Variants in ARID4B observed in about 807,000 individuals in gnomAD.
ARID4B encodes AT-rich interaction domain 4B.
Under a neutral mutation model 147.5 loss-of-function variants are expected in ARID4B, and 26 were observed. That is an observed-to-expected ratio of 0.18 (90% confidence interval 0.13 to 0.24). The LOEUF (loss-of-function observed/expected upper bound fraction) is 0.24, where lower values mean the gene tolerates loss of function less well. Ranked by LOEUF, ARID4B falls within the 10% of genes least tolerant of loss-of-function variation. The pLI, the probability that ARID4B is intolerant of heterozygous loss-of-function variation, is 1.00. For synonymous variants in ARID4B, 512 were observed against 507.9 expected, an observed-to-expected ratio of 1.01 and a Z score of -0.11; for missense variants, 1,179 against 1,511.5, an observed-to-expected ratio of 0.78 and a Z score of 3.65.
rs189365605 is a variant in ARID4B, at chr1:235,305,638, G to A, written c.6+21276C>T. ...ATCTGTAAAATAAGAATATATCTAT[G>A]TACCTCTCAGGGTATTTTGAGAATT... On this transcript the variant is annotated intron_variant, in intron 2 of 23. Transcript: ENST00000264183. 1.1e-3 allele frequency among the ~76,000 whole-genome samples: 170 copies of A among 152,154 alleles called. 1 individual carries two copies. Among genetic ancestry groups the A allele is most frequent in the African/African-American group, 4.0e-3 (167 of 41,524 alleles).
chr1:235,173,330 T>G (rs1285717815), intron 22 of ARID4B, among the ~76,000 whole-genome samples: 2 of 151,910 alleles, frequency 1.3e-5, no homozygotes, highest in Non-Finnish European at 2.9e-5. Context: ...GGCAACAGAG[T>G]GAGACTCTGT....
intron 22 of ARID4B, among the ~76,000 whole-genome samples, chr1:235,174,612 C>T (rs1663716788): frequency 6.6e-6 from 1 of 151,508 alleles, no homozygotes; most frequent in Non-Finnish European, 1.5e-5. Flanking sequence ...GCCAGCCTGG[C>T]CAACATGGTG....
intron 2 of ARID4B, among the ~76,000 whole-genome samples, chr1:235,305,263 C>T (rs573208184): frequency 6.6e-6 from 1 of 152,156 alleles, no homozygotes; most frequent in Non-Finnish European, 1.5e-5. Context: ...GGAAAAGAGG[C>T]AAGGAAACCA....
At chr1:235,272,346 T>C (rs1413004215) in intron 2 of ARID4B, among the ~76,000 whole-genome samples, 1 of 152,202 alleles carries the variant, frequency 6.6e-6, no homozygotes, top group African/African-American at 2.4e-5. Context: ...AGAAATAGTG[T>C]CTTATTCACC....
intron 23 of ARID4B, among the ~76,000 whole-genome samples, chr1:235,171,774 G>A (rs551072599): frequency 6.6e-6 from 1 of 152,062 alleles, no homozygotes; most frequent in East Asian, 1.9e-4. Flanking sequence ...CAAGTAGCTG[G>A]GATTACAGGC....
At chr1:235,181,372 G>T in intron 20 of ARID4B, 1 of 724,576 alleles carries the variant, frequency 1.4e-6, no homozygotes. Flanking sequence ...AAATGCCATG[G>T]ATGGCTCAAG....
At chr1:235,313,208 T>C (rs1025162216) in intron 2 of ARID4B, among the ~76,000 whole-genome samples, 13 of 152,102 alleles carry the variant, frequency 8.5e-5, no homozygotes, top group Non-Finnish European at 1.8e-4. Flanking sequence ...TTTTATATTT[T>C]CAGTAGAGAC....
intron 2 of ARID4B, among the ~76,000 whole-genome samples, chr1:235,265,239 G>A (rs1056223928): frequency 1.3e-5 from 2 of 151,558 alleles, no homozygotes; most frequent in African/African-American, 2.4e-5. Context: ...GGTGGCGGGC[G>A]CCTGTAATCC....
intron 10 of ARID4B, among the ~76,000 whole-genome samples, chr1:235,229,887 T>C (rs1208614830): frequency 6.6e-6 from 1 of 152,206 alleles, no homozygotes; most frequent in Non-Finnish European, 1.5e-5. Context: ...CTAGACACAA[T>C]TATTCTCATT....
At chr1:235,296,861 G>C (rs1457796844) in intron 2 of ARID4B, among the ~76,000 whole-genome samples, 2 of 111,358 alleles carry the variant, frequency 1.8e-5, no homozygotes, top group Non-Finnish European at 3.8e-5. Context: ...AGGGAAGGAA[G>C]GGAGAGAGTA....
At chr1:235,326,585 G>T (rs939303039) in intron 2 of ARID4B, among the ~76,000 whole-genome samples, 4 of 152,114 alleles carry the variant, frequency 2.6e-5, no homozygotes. Context: ...CCACAATACA[G>T]TTCAGTTTCT....
At chr1:235,196,644 G>C (rs1665509528) in intron 17 of ARID4B, among the ~76,000 whole-genome samples, 1 of 151,968 alleles carries the variant, frequency 6.6e-6, no homozygotes, top group African/African-American at 2.4e-5. Context: ...ACGAAGTCAG[G>C]AGATCAAGAC....
rs147463120 is a variant in ARID4B, at chr1:235,298,139, T to C, written c.6+28775A>G. On this transcript the variant is annotated intron_variant, in intron 2 of 23. Transcript: ENST00000264183. ...ATGATATCTGGAATTTGCTTTAAAA[T>C]GCTACATGGTGAGGGAGAAAGGAGA... 7.2e-5 allele frequency among the ~76,000 whole-genome samples: 11 copies of C among 152,242 alleles called. No individual in the cohort carries two copies. The East Asian group carries it at 1.9e-3, about 27-fold the overall frequency.
chr1:235,269,783 ATTAC>A (rs1016178708), intron 2 of ARID4B, among the ~76,000 whole-genome samples: 10 of 152,148 alleles, frequency 6.6e-5, no homozygotes, highest in African/African-American at 2.4e-4. Context: ...GGTGAAGGAG[ATTAC>A]ATGAACTATT....
At chr1:235,299,299 C>T (rs1189724929) in intron 2 of ARID4B, among the ~76,000 whole-genome samples, 2 of 152,134 alleles carry the variant, frequency 1.3e-5, no homozygotes, top group Non-Finnish European at 2.9e-5. Context: ...CTGCAACCTC[C>T]GCCTCCAGGG....
chr1:235,230,608 A>AC (rs1553298129), intron 10 of ARID4B, among the ~76,000 whole-genome samples: 2 of 131,884 alleles, frequency 1.5e-5, no homozygotes, highest in African/African-American at 5.7e-5. Context: ...AAAAAAAAAA[A>AC]AAAAAAAACC....
chr1:235,310,643 T>C (rs924631037), intron 2 of ARID4B, among the ~76,000 whole-genome samples: 5 of 152,048 alleles, frequency 3.3e-5, no homozygotes, highest in African/African-American at 9.7e-5. Context: ...ACACTTCCTA[T>C]AGAGATCCAT....
chr1:235,325,044 T>G (rs1675122883), intron 2 of ARID4B, among the ~76,000 whole-genome samples: 1 of 152,230 alleles, frequency 6.6e-6, no homozygotes, highest in Non-Finnish European at 1.5e-5. Flanking sequence ...TACAAGAAGC[T>G]TCTCATCTTT....
chr1:235,242,339 C>T (rs12035746), intron 7 of ARID4B, among the ~76,000 whole-genome samples: 70,735 of 151,922 alleles, frequency 0.47, 16,789 homozygotes, highest in South Asian at 0.6. Flanking sequence ...AAAACTCAAC[C>T]ACCTTTACAT....
Sources: allele counts gnomAD v4.1 joint callset (sites outside exome capture counted in the v4.1 genomes callset), GRCh38; gene constraint gnomAD v4.1.1; transcripts MANE v1.5; gene names NCBI Gene and HGNC (gene_info 2026-07-23, HGNC 2026-07-21).